ZNF362: variants seen among roughly 807,000 people sequenced by gnomAD.
The protein encoded by ZNF362 is rotund homolog.
Under a neutral mutation model 42.9 loss-of-function variants are expected in ZNF362, and 11 were observed. The observed-to-expected ratio is 0.26, with a 90% CI of 0.16 to 0.42. The LOEUF (loss-of-function observed/expected upper bound fraction) is 0.42. Among genes scored for constraint, ZNF362 ranks in the 20% least tolerant of loss-of-function variants. The probability of loss-of-function intolerance (pLI) is 1.00; values close to 1 mark genes in which losing one functional copy is unlikely to be tolerated. For synonymous variants in ZNF362, 255 were observed against 257.3 expected (o/e 0.99, Z 0.09); for missense variants, 362 against 576.2 (o/e 0.63, Z 3.81).
the ZNF362 span, among the ~76,000 whole-genome samples, chr1:33,180,795 T>C: frequency 6.6e-6 from 1 of 151,256 alleles, no homozygotes; most frequent in East Asian, 1.9e-4. Flanking sequence ...CTGTCTCAGA[T>C]CCCTCAGGGT....
At chr1:33,143,633 C>T in the ZNF362 span, among the ~76,000 whole-genome samples, 1 of 152,224 alleles carries the variant, frequency 6.6e-6, no homozygotes, top group African/African-American at 2.4e-5. Context: ...GGGTGGTTCC[C>T]TCTCCCCAGC....
At chr1:33,253,855 G>C (rs182515823), upstream of ZNF362, among the ~76,000 whole-genome samples, 423 of 152,058 alleles carry the variant, frequency 2.8e-3, 1 homozygote, top group African/African-American at 9.6e-3. Context: ...ATTAATTAAT[G>C]CCTTAATTAA....
At chr1:33,179,686 T>G in the ZNF362 span, among the ~76,000 whole-genome samples, 501 of 152,272 alleles carry the variant, frequency 3.3e-3, 6 homozygotes, top group African/African-American at 0.012. Flanking sequence ...GGGCCATAGA[T>G]AGGAGAAATA....
At chr1:33,297,745 C>T (rs1466217265) in intron 8 of ZNF362, among the ~76,000 whole-genome samples, 2 of 152,080 alleles carry the variant, frequency 1.3e-5, no homozygotes, top group Admixed American at 6.5e-5. Flanking sequence ...AATTCCTGAC[C>T]GCAGGTGATC....
chr1:33,272,365 C>G (rs1448301465), intron 2 of ZNF362, among the ~76,000 whole-genome samples: 1 of 152,150 alleles, frequency 6.6e-6, no homozygotes, highest in Non-Finnish European at 1.5e-5. Flanking sequence ...TTCCCCAGCG[C>G]TGGTCCCAGT....
chr1:33,299,523 C>G lies in ZNF362; in HGVS notation c.*477C>G, dbSNP rs1646150812. 6.4e-6 allele frequency: 1 copy of G among 155,908 alleles called. No individual in the cohort carries two copies. Among genetic ancestry groups the G allele is most frequent in the South Asian group, 1.9e-4 (1 of 5,310 alleles). The allele number at this position is 155,908 out of a possible 1,614,324, so 9.7% of individuals were successfully genotyped here. A position where few individuals can be genotyped will look rare whatever the true frequency, so the allele number is the denominator to read the frequency against. On this transcript the variant is annotated 3_prime_UTR_variant, in exon 9 of 9. Coordinates refer to ENST00000539719, the MANE Select transcript of ZNF362 (RefSeq NM_152493.3). ...TCAGGTCTTGAGGGAAGGCTCGGGC[C>G]TAGGTTTCTGGACTGCAAAGGGGAC...
chr1:33,292,004 C>T (rs1297949624), intron 6 of ZNF362, among the ~76,000 whole-genome samples: 18 of 152,174 alleles, frequency 1.2e-4, no homozygotes, highest in Non-Finnish European at 1.5e-5. Context: ...ACAGTCATGT[C>T]ATCTGCAAAC....
the ZNF362 span, among the ~76,000 whole-genome samples, chr1:33,152,092 C>G: frequency 6.6e-5 from 10 of 152,314 alleles, no homozygotes; most frequent in South Asian, 1.9e-3. Context: ...CACGACAGAC[C>G]CAGGGGCACA....
chr1:33,172,645 TATGCC>T, the ZNF362 span, among the ~76,000 whole-genome samples: 3 of 152,020 alleles, frequency 2.0e-5, no homozygotes, highest in African/African-American at 7.3e-5. Flanking sequence ...GTTATGCAAA[TATGCC>T]AGCTTTGAGG....
chr1:33,230,857 T>C, the ZNF362 span, among the ~76,000 whole-genome samples: 3 of 152,198 alleles, frequency 2.0e-5, no homozygotes, highest in African/African-American at 7.2e-5. Context: ...AAAATATAGA[T>C]GTAATCGAAG....
At chr1:33,260,534 C>G (rs551246890) in intron 1 of ZNF362, among the ~76,000 whole-genome samples, 19 of 152,350 alleles carry the variant, frequency 1.2e-4, no homozygotes, top group African/African-American at 4.3e-4. Context: ...CTCTCACTCT[C>G]TCACATCAGC....
the ZNF362 span, among the ~76,000 whole-genome samples, chr1:33,173,222 T>C: frequency 6.6e-6 from 1 of 152,150 alleles, no homozygotes; most frequent in Non-Finnish European, 1.5e-5. Flanking sequence ...CCACACAATC[T>C]CTGGCAACAT....
intron 4 of ZNF362, among the ~76,000 whole-genome samples, chr1:33,278,601 C>T (rs999015799): frequency 6.6e-6 from 1 of 152,158 alleles, no homozygotes. Context: ...ATTCTCTTTC[C>T]CTAGAGAGAA....
At chr1:33,298,835 A>G in intron 8 of ZNF362, 95 bp from the exon 9 acceptor site, 1 of 1,077,264 alleles carries the variant, frequency 9.3e-7, no homozygotes, top group Non-Finnish European at 1.4e-6. Flanking sequence ...TGAACCGCCT[A>G]CCAAGAGCCC....
At chr1:33,195,537 T>C in the ZNF362 span, 1 of 152,238 alleles carries the variant, frequency 6.6e-6, no homozygotes, top group East Asian at 1.9e-4. Flanking sequence ...CTGGGCTACA[T>C]GTAGAGCCTG....
chr1:33,261,188 C>T (rs1645825675), intron 1 of ZNF362: 1 of 152,124 alleles, frequency 6.6e-6, no homozygotes, highest in Non-Finnish European at 1.5e-5. Flanking sequence ...GACCCTTGCA[C>T]AGAGCAGGAA....
intron 1 of ZNF362, among the ~76,000 whole-genome samples, chr1:33,262,615 G>A (rs1191010503): frequency 6.6e-6 from 1 of 152,162 alleles, no homozygotes; most frequent in African/African-American, 2.4e-5. Flanking sequence ...CCGGCTTTAG[G>A]ATTCTTGAGG....
chr1:33,132,874 G>C, the ZNF362 span, among the ~76,000 whole-genome samples: 1 of 152,242 alleles, frequency 6.6e-6, no homozygotes, highest in Non-Finnish European at 1.5e-5. Context: ...TTAGCGGCAT[G>C]AGAGGCACCT....
the ZNF362 span, among the ~76,000 whole-genome samples, chr1:33,251,460 G>C: frequency 6.6e-6 from 1 of 151,974 alleles, no homozygotes; most frequent in South Asian, 2.1e-4. Flanking sequence ...ACTGCCCCCA[G>C]CACCCCCACC....
Sources: allele counts gnomAD v4.1 joint callset (sites outside exome capture counted in the v4.1 genomes callset), GRCh38; gene constraint gnomAD v4.1.1; transcripts MANE v1.5; gene names NCBI Gene and HGNC (gene_info 2026-07-23, HGNC 2026-07-21).